The following HSPB3 variants were observed in gnomAD, a reference collection of about 807,000 sequenced individuals.
HSPB3 encodes the protein heat shock protein beta-3.
In HSPB3, 10 loss-of-function variants were observed where a neutral mutation model predicts 10.9. The observed-to-expected ratio is 0.91, with a 90% CI of 0.56 to 1.55. The LOEUF (loss-of-function observed/expected upper bound fraction) is 1.55. HSPB3 is among the 40% of genes most tolerant of loss of function. The pLI is 0.00. For missense variants in HSPB3, 176 were observed against 184.1 expected (o/e 0.96, Z 0.25); for synonymous variants, 73 against 71.8 (o/e 1.02, Z -0.08).
chr5:54,456,354 A>G lies in HSPB3; in HGVS notation c.*112A>G. ...GAAATGATTTGCTATGATTTTTATG[A>G]AGATTAAAAATATATACACAGTTCC... On this transcript the variant is annotated 3_prime_UTR_variant, in exon 1 of 1. Coordinates refer to ENST00000302005, the MANE Select transcript of HSPB3 (RefSeq NM_006308.3). The G allele has an allele frequency of 1.1e-6, 1 of 912,702 alleles. No homozygotes were observed. Among genetic ancestry groups the G allele is most frequent in the Admixed American group, 1.7e-5 (1 of 57,566 alleles). 56.5% of individuals were successfully genotyped at this position (912,702 alleles called of 1,614,324 possible).
rs1245781414 is a variant in HSPB3 at position 54,456,328 on chromosome 5, T to C, written c.*86T>C. 18 of 1,007,112 alleles carry C rather than the reference T, an allele frequency of 1.8e-5. No individual in the cohort carries two copies. Among genetic ancestry groups the C allele is most frequent in the Non-Finnish European group, 2.6e-5 (16 of 627,158 alleles). 62.4% of individuals were successfully genotyped at this position (1,007,112 alleles called of 1,614,324 possible). ...CGAGAATGTTTGTATTACCCACATT[T>C]GAAATGATTTGCTATGATTTTTATG... On this transcript the variant is annotated 3_prime_UTR_variant, in exon 1 of 1. Transcript: ENST00000302005.
chr5:54,456,224 T>C lies in HSPB3; in HGVS notation c.435T>C (p.Asp145=), dbSNP rs759495489. 6.2e-7 allele frequency: 1 copy of C among 1,613,938 alleles called. No individual in the cohort carries two copies. The highest frequency in any genetic ancestry group is 1.3e-5 in the African/African-American group (1 of 74,924). Residue 145 remains aspartate (D), a synonymous_variant, in exon 1 of 1, where the codon GAT becomes GAC. Transcript: ENST00000302005. ...HDGILVVEVK[D]PVGTK ...GAATTTTGGTGGTGGAAGTAAAGGA[T>C]CCAGTTGGGACTAAGTGACATCGTA...
rs1230400017 is a variant in HSPB3, at chr5:54,455,793, G to C, written c.4G>C (p.Ala2Pro). M[A>P]KIILRHLIEI... is the part of the protein sequence containing the mutation. Reference sequence around the variant, plus strand: ...CAAGGCTGTTTTTGCCTTCACTATGGCAAAAATCATTTTGAGGCACCTCAT... The same window carrying C: ...CAAGGCTGTTTTTGCCTTCACTATGCCAAAAATCATTTTGAGGCACCTCAT... Residue 2 changes from alanine to proline, a missense_variant, in exon 1 of 1, where the codon GCA (alanine) becomes CCA (proline). Physicochemically the swap from Ala to Pro is conservative, Grantham distance 27. Coordinates refer to ENST00000302005, the MANE Select transcript of HSPB3 (RefSeq NM_006308.3). 1 of 1,613,970 alleles carries C rather than the reference G, an allele frequency of 6.2e-7. No individual in the cohort carries two copies. The highest frequency in any genetic ancestry group is 8.5e-7 in the Non-Finnish European group (1 of 1,179,918).
At position 54,455,713 on chromosome 5, in the gene HSPB3, T is replaced by C. The variant is rs1182036194; in HGVS notation, c.-77T>C. 2 of 1,237,126 alleles carry C rather than the reference T, an allele frequency of 1.6e-6. No homozygotes were observed. Among genetic ancestry groups the C allele is most frequent in the Non-Finnish European group, 2.4e-6 (2 of 836,772 alleles). 76.6% of individuals were successfully genotyped at this position (1,237,126 alleles called of 1,614,324 possible). On this transcript the variant is annotated 5_prime_UTR_variant, in exon 1 of 1. Transcript: ENST00000302005. ...ACTGGTAATCCAGTCAGTAGGCAAC[T>C]GCAGGGGCTCGCCACTGACTGAAGG...
At position 54,455,969 on chromosome 5, in the gene HSPB3, A is replaced by G; in HGVS notation, c.180A>G (p.Ala60=). 1 of 1,614,174 alleles carries G rather than the reference A, an allele frequency of 6.2e-7. No homozygotes were observed. Among genetic ancestry groups the G allele is most frequent in the Non-Finnish European group, 8.5e-7 (1 of 1,180,026 alleles). ...AAQSPPVDSA[A]ETPPREGKSH... ...AGTCTCCTCCAGTGGACTCAGCGGC[A>G]GAGACGCCACCCCGAGAAGGCAAAT... Residue 60 remains alanine, a synonymous_variant, in exon 1 of 1, where the codon GCA becomes GCG. Coordinates refer to ENST00000302005, the MANE Select transcript of HSPB3 (RefSeq NM_006308.3).
In HSPB3 at chr5:54,456,133, C is replaced by T. The variant is rs778147453; in HGVS notation, c.344C>T (p.Thr115Ile). 1.2e-6 allele frequency: 2 copies of T among 1,614,002 alleles called. No homozygotes were observed. ...DEHGFISRSF[T>I]RQYKLPDGVE... ...CACGGTTTTATCTCAAGAAGCTTCACCCGACAGTACAAACTACCAGATGGT... is the reference window on the plus strand; with the variant it reads ...CACGGTTTTATCTCAAGAAGCTTCATCCGACAGTACAAACTACCAGATGGT... The change falls in exon 1 of 1, where the codon ACC becomes ATC. Residue 115 changes from threonine (T) to isoleucine (I), a missense_variant. Thr to Ile is a moderately conservative substitution (Grantham distance 89, BLOSUM62 -1). Transcript: ENST00000302005.
In HSPB3 at chr5:54,456,287, T is replaced by C. The variant is rs374376916; in HGVS notation, c.*45T>C. ...CAGATGACATGGGGAAGATGATGGT[T>C]CAGCCACTGGTACTACGAGAATGTT... On this transcript the variant is annotated 3_prime_UTR_variant, in exon 1 of 1. Transcript: ENST00000302005. 1.3e-5 allele frequency: 18 copies of C among 1,369,486 alleles called. No homozygotes were observed. In the African/African-American group the frequency reaches 2.4e-4, roughly 18 times the overall value. 84.8% of individuals were successfully genotyped at this position (1,369,486 alleles called of 1,614,324 possible).
Position 54,456,046 on chromosome 5 carries a change from T to C in HSPB3, c.257T>C (p.Ile86Thr), listed in dbSNP as rs145514257. 8 of 1,613,782 alleles carry C rather than the reference T, an allele frequency of 5.0e-6. No homozygotes were observed. The African/African-American group carries it at 8.0e-5, about 16-fold the overall frequency. ...DVVQFLPEDIIIQTFEGWLLI... is the reference protein window; with the variant it reads ...DVVQFLPEDITIQTFEGWLLI... Reference sequence around the variant, plus strand: ...GTCCAGTTCCTCCCTGAAGACATCATCATTCAGACCTTCGAAGGCTGGCTG... The same window carrying C: ...GTCCAGTTCCTCCCTGAAGACATCACCATTCAGACCTTCGAAGGCTGGCTG... Residue 86 changes from isoleucine to threonine, a missense_variant, in exon 1 of 1, where the codon ATC becomes ACC. Coordinates refer to ENST00000302005, the MANE Select transcript of HSPB3 (RefSeq NM_006308.3).
At position 54,456,306 on chromosome 5, in the gene HSPB3, G is replaced by T; in HGVS notation, c.*64G>T. On this transcript the variant is annotated 3_prime_UTR_variant, in exon 1 of 1. Transcript: ENST00000302005. ...GATGGTTCAGCCACTGGTACTACGA[G>T]AATGTTTGTATTACCCACATTTGAA... 8.1e-7 allele frequency: 1 copy of T among 1,233,410 alleles called. No homozygotes were observed. The highest frequency in any genetic ancestry group is 1.2e-5 in the South Asian group (1 of 83,270). The allele number at this position is 1,233,410 out of a possible 1,614,324, so 76.4% of individuals were successfully genotyped here.
Position 54,456,251 on chromosome 5 carries a change from C to T in HSPB3, c.*9C>T, listed in dbSNP as rs751781656. 8.1e-6 allele frequency: 13 copies of T among 1,606,128 alleles called. No individual in the cohort carries two copies. The East Asian group carries it at 1.1e-4, about 14-fold the overall frequency. ...CAGTTGGGACTAAGTGACATCGTATCGGTTCCTGTTCAGATGACATGGGGA... is the reference window on the plus strand; with the variant it reads ...CAGTTGGGACTAAGTGACATCGTATTGGTTCCTGTTCAGATGACATGGGGA... On this transcript the variant is annotated 3_prime_UTR_variant, in exon 1 of 1. Transcript: ENST00000302005.
At position 54,455,833 on chromosome 5, in the gene HSPB3, G is replaced by A. The variant is rs757814001; in HGVS notation, c.44G>A (p.Arg15His). The A allele has an allele frequency of 1.2e-5, 20 of 1,614,066 alleles. No homozygotes were observed. Among genetic ancestry groups the A allele is most frequent in the South Asian group, 3.3e-5 (3 of 91,070 alleles). Residue 15 changes from arginine (R) to histidine (H), a missense_variant, in exon 1 of 1, where the codon CGT (arginine) becomes CAT (histidine). Arg to His is a conservative substitution (Grantham distance 29). Coordinates refer to ENST00000302005, the MANE Select transcript of HSPB3 (RefSeq NM_006308.3). The stretch of plus-strand genomic sequence containing the variant: ...AGGCACCTCATAGAGATTCCAGTGC[G>A]TTACCAGGAAGAGTTTGAAGCTCGA... The part of the protein sequence containing the change: ...ILRHLIEIPV[R>H]YQEEFEARGL...
In HSPB3 at chr5:54,456,117, A is replaced by G. The variant is rs760164865; in HGVS notation, c.328A>G (p.Ile110Val). 10 of 1,614,222 alleles carry G rather than the reference A, an allele frequency of 6.2e-6. No homozygotes were observed. The highest frequency in any genetic ancestry group is 1.1e-5 in the South Asian group (1 of 91,074). Reference protein sequence around the residue: ...HGTRMDEHGFISRSFTRQYKL... With the variant: ...HGTRMDEHGFVSRSFTRQYKL... ...AACCAGAATGGATGAGCACGGTTTT[A>G]TCTCAAGAAGCTTCACCCGACAGTA... Residue 110 changes from isoleucine to valine, a missense_variant, in exon 1 of 1, where the codon ATC (isoleucine) becomes GTC (valine). Coordinates refer to ENST00000302005, the MANE Select transcript of HSPB3 (RefSeq NM_006308.3).
chr5:54,455,765 G>C lies in HSPB3; in HGVS notation c.-25G>C. 1 of 1,604,012 alleles carries C rather than the reference G, an allele frequency of 6.2e-7. No homozygotes were observed. Among genetic ancestry groups the C allele is most frequent in the African/African-American group, 1.3e-5 (1 of 74,832 alleles). Reference sequence around the variant, plus strand: ...AGTGGAAGGTTGGCAGAAGGAGGCTGTTCAAGGCTGTTTTTGCCTTCACTA... The same window carrying C: ...AGTGGAAGGTTGGCAGAAGGAGGCTCTTCAAGGCTGTTTTTGCCTTCACTA... On this transcript the variant is annotated 5_prime_UTR_variant, in exon 1 of 1. Transcript: ENST00000302005.
chr5:54,456,259 G>C lies in HSPB3; in HGVS notation c.*17G>C. On this transcript the variant is annotated 3_prime_UTR_variant, in exon 1 of 1. Coordinates refer to ENST00000302005, the MANE Select transcript of HSPB3 (RefSeq NM_006308.3). ...ACTAAGTGACATCGTATCGGTTCCT[G>C]TTCAGATGACATGGGGAAGATGATG... The C allele has an allele frequency of 6.3e-7, 1 of 1,591,342 alleles. No homozygotes were observed. Among genetic ancestry groups the C allele is most frequent in the Non-Finnish European group, 8.6e-7 (1 of 1,159,402 alleles).
chr5:54,456,325 A>T lies in HSPB3; in HGVS notation c.*83A>T. 2.0e-6 allele frequency: 2 copies of T among 997,954 alleles called. No individual in the cohort carries two copies. Among genetic ancestry groups the T allele is most frequent in the East Asian group, 2.4e-5 (1 of 42,162 alleles). The allele number at this position is 997,954 out of a possible 1,614,324, so 61.8% of individuals were successfully genotyped here. The stretch of plus-strand genomic sequence containing the variant: ...CTACGAGAATGTTTGTATTACCCAC[A>T]TTTGAAATGATTTGCTATGATTTTT... On this transcript the variant is annotated 3_prime_UTR_variant, in exon 1 of 1. Coordinates refer to ENST00000302005, the MANE Select transcript of HSPB3 (RefSeq NM_006308.3).
rs1257940964 is a variant in HSPB3 at position 54,456,057 on chromosome 5, T to A, written c.268T>A (p.Phe90Ile). 1 of 1,613,816 alleles carries A rather than the reference T, an allele frequency of 6.2e-7. No individual in the cohort carries two copies. ...FLPEDIIIQT[F>I]EGWLLIKAQH... The stretch of plus-strand genomic sequence containing the variant: ...CCCTGAAGACATCATCATTCAGACC[T>A]TCGAAGGCTGGCTGCTGATAAAAGC... Residue 90 changes from phenylalanine to isoleucine, a missense_variant, in exon 1 of 1, where the codon TTC becomes ATC. Physicochemically the swap from Phe to Ile is conservative, Grantham distance 21 (BLOSUM62 0). Coordinates refer to ENST00000302005, the MANE Select transcript of HSPB3 (RefSeq NM_006308.3).
At position 54,456,297 on chromosome 5, in the gene HSPB3, G is replaced by A. The variant is rs763357435; in HGVS notation, c.*55G>A. On this transcript the variant is annotated 3_prime_UTR_variant, in exon 1 of 1. Transcript: ENST00000302005. ...GGGGAAGATGATGGTTCAGCCACTG[G>A]TACTACGAGAATGTTTGTATTACCC... 1.4e-5 allele frequency: 18 copies of A among 1,320,002 alleles called. No homozygotes were observed. The highest frequency in any genetic ancestry group is 1.8e-4 in the Middle Eastern group (1 of 5,522). 81.8% of individuals were successfully genotyped at this position (1,320,002 alleles called of 1,614,324 possible). A position where few individuals can be genotyped will look rare whatever the true frequency, so the allele number is the denominator to read the frequency against.
chr5:54,456,181 C>T lies in HSPB3; in HGVS notation c.392C>T (p.Ala131Val). The change falls in exon 1 of 1, where the codon GCA becomes GTA. Residue 131 changes from alanine to valine, a missense_variant. By Grantham distance (64) the Ala-to-Val change is moderately conservative. Coordinates refer to ENST00000302005, the MANE Select transcript of HSPB3 (RefSeq NM_006308.3). The part of the protein sequence containing the change: ...PDGVEIKDLS[A>V]VLCHDGILVV... ...GGTGTGGAAATCAAAGATTTGTCTG[C>T]AGTCCTCTGTCATGATGGAATTTTG... 3 of 1,614,190 alleles carry T rather than the reference C, an allele frequency of 1.9e-6. No individual in the cohort carries two copies. Among genetic ancestry groups the T allele is most frequent in the Non-Finnish European group, 2.5e-6 (3 of 1,180,030 alleles).
At position 54,456,211 on chromosome 5, in the gene HSPB3, T is replaced by C. The variant is rs770386862; in HGVS notation, c.422T>C (p.Val141Ala). The C allele has an allele frequency of 2.5e-6, 4 of 1,614,154 alleles. No homozygotes were observed. The highest frequency in any genetic ancestry group is 3.3e-5 in the Admixed American group (2 of 60,018). The change falls in exon 1 of 1, where the codon GTG (valine) becomes GCG (alanine). Residue 141 changes from valine (V) to alanine (A), a missense_variant. Coordinates refer to ENST00000302005, the MANE Select transcript of HSPB3 (RefSeq NM_006308.3). ...AVLCHDGILV[V>A]EVKDPVGTK Reference sequence around the variant, plus strand: ...CTCTGTCATGATGGAATTTTGGTGGTGGAAGTAAAGGATCCAGTTGGGACT... The same window carrying C: ...CTCTGTCATGATGGAATTTTGGTGGCGGAAGTAAAGGATCCAGTTGGGACT...
Sources: gnomAD v4.1 joint callset for allele counts on GRCh38, gnomAD v4.1.1 for gene constraint, MANE v1.5 for transcripts, NCBI Gene and HGNC (gene_info 2026-07-23, HGNC 2026-07-21) for gene names.